The following GXYLT2 variants were observed in gnomAD, a reference collection of about 807,000 sequenced individuals.
GXYLT2 encodes glycosyltransferase 8 domain containing 4.
In GXYLT2, 53 loss-of-function variants were observed where a neutral mutation model predicts 45.8. The ratio of observed to expected loss-of-function variants is 1.16; its 90% confidence interval spans 0.93 to 1.46. GXYLT2 has a LOEUF of 1.46. Among genes scored for constraint, GXYLT2 ranks in the 40% most tolerant of loss-of-function variants. The pLI, the probability that GXYLT2 is intolerant of heterozygous loss-of-function variation, is 0.00. For missense variants in GXYLT2, 551 were observed against 544.4 expected (o/e 1.01, Z -0.12); for synonymous variants, 219 against 214.2 (o/e 1.02, Z -0.19).
rs372060429 is a variant in GXYLT2 at position 72,931,087 on chromosome 3, A to G, written c.600+8752A>G. Reference sequence around the variant, plus strand: ...ATGTTGTACCATAAAAGAAGCTGTAAAAAGCATAAAAGGATTGAAGTTATA... The same window carrying G: ...ATGTTGTACCATAAAAGAAGCTGTAGAAAGCATAAAAGGATTGAAGTTATA... On this transcript the variant is annotated intron_variant, in intron 3 of 6. Coordinates refer to ENST00000389617, the MANE Select transcript of GXYLT2 (RefSeq NM_001080393.2). Among the ~76,000 whole-genome samples, 190 of 152,350 alleles carry G rather than the reference A, an allele frequency of 1.2e-3. 7 individuals carry two copies. In the South Asian group the frequency reaches 0.038, roughly 31 times the overall value.
chr3:72,937,801 T>C (rs1710220158), intron 3 of GXYLT2, among the ~76,000 whole-genome samples: 1 of 152,236 alleles, frequency 6.6e-6, no homozygotes, highest in South Asian at 2.1e-4. Context: ...AACATATGTC[T>C]TTGCTCAGAC....
intron 4 of GXYLT2, among the ~76,000 whole-genome samples, chr3:72,956,953 A>AGGAAG (rs1710662317): frequency 1.3e-5 from 2 of 149,036 alleles, no homozygotes. Flanking sequence ...AAGAGAAGAA[A>AGGAAG]GGAAGGGGTT....
chr3:72,951,096 CA>C (rs1710514948), intron 3 of GXYLT2, among the ~76,000 whole-genome samples: 1 of 152,170 alleles, frequency 6.6e-6, no homozygotes, highest in South Asian at 2.1e-4. Flanking sequence ...TCCCACATCC[CA>C]TTATAACATG....
intron 5 of GXYLT2, among the ~76,000 whole-genome samples, chr3:72,962,621 T>G (rs569578226): frequency 6.6e-6 from 1 of 152,334 alleles, no homozygotes; most frequent in African/African-American, 2.4e-5. Flanking sequence ...GAGCACTATG[T>G]GCCAGCCACA....
intron 5 of GXYLT2, among the ~76,000 whole-genome samples, chr3:72,957,901 G>A (rs1710680939): frequency 6.6e-6 from 1 of 152,112 alleles, no homozygotes; most frequent in African/African-American, 2.4e-5. Context: ...AACATTTCTG[G>A]TCTGTGTGTT....
intron 2 of GXYLT2, among the ~76,000 whole-genome samples, chr3:72,909,172 G>A (rs759750620): frequency 2.8e-5 from 4 of 145,012 alleles, no homozygotes; most frequent in Non-Finnish European, 6.0e-5. Flanking sequence ...GGGTTCAAGC[G>A]ATTCTTCTGC....
intron 3 of GXYLT2, among the ~76,000 whole-genome samples, chr3:72,924,544 T>G (rs1012665319): frequency 1.3e-5 from 2 of 152,086 alleles, no homozygotes; most frequent in Admixed American, 6.6e-5. Context: ...ACTGGATGAT[T>G]TTTTGCAGCA....
At chr3:72,930,516 AG>A in intron 3 of GXYLT2, among the ~76,000 whole-genome samples, 1 of 147,338 alleles carries the variant, frequency 6.8e-6, no homozygotes, top group Non-Finnish European at 1.5e-5. Context: ...AAAAAAAAAA[AG>A]ATATAAATAA....
At chr3:72,899,193 C>T (rs1436529736) in intron 1 of GXYLT2, among the ~76,000 whole-genome samples, 5 of 152,202 alleles carry the variant, frequency 3.3e-5, no homozygotes, top group Non-Finnish European at 7.3e-5. Context: ...AAAGCAAACA[C>T]ACACACGTAT....
At position 72,976,657 on chromosome 3, in the gene GXYLT2, T is replaced by C. The variant is rs550963286; in HGVS notation, c.*1498T>C. ...CTTAATCCCTAGTTGCTCATATAGT[T>C]GGTATCAGCATAGCAATATTTTGCA... On this transcript the variant is annotated 3_prime_UTR_variant, in exon 7 of 7. Transcript: ENST00000389617. The C allele has an allele frequency of 2.7e-4, 41 of 152,362 alleles. No individual in the cohort carries two copies. Among genetic ancestry groups the C allele is most frequent in the African/African-American group, 9.6e-4 (40 of 41,596 alleles). The allele number at this position is 152,362 out of a possible 1,614,324, so 9.4% of individuals were successfully genotyped here.
chr3:72,954,539 G>A (rs962932304), intron 3 of GXYLT2, among the ~76,000 whole-genome samples: 2 of 150,922 alleles, frequency 1.3e-5, no homozygotes, highest in African/African-American at 4.9e-5. Flanking sequence ...CCCAAGGCTT[G>A]GTATGAGCTG....
intron 2 of GXYLT2, among the ~76,000 whole-genome samples, chr3:72,916,002 T>G (rs925612019): frequency 2.0e-5 from 3 of 152,000 alleles, no homozygotes; most frequent in Admixed American, 2.0e-4. Context: ...AGATGCATGG[T>G]CCATGATCCT....
chr3:72,945,392 A>G (rs1227554384), intron 3 of GXYLT2, among the ~76,000 whole-genome samples: 1 of 152,244 alleles, frequency 6.6e-6, no homozygotes, highest in Non-Finnish European at 1.5e-5. Flanking sequence ...CCTAGCATAT[A>G]TTATGTCAGG....
intron 1 of GXYLT2, among the ~76,000 whole-genome samples, chr3:72,896,943 C>A (rs1709303505): frequency 6.6e-6 from 1 of 151,924 alleles, no homozygotes; most frequent in Non-Finnish European, 1.5e-5. Flanking sequence ...TTTTGCTGCC[C>A]TGCCTAGCCT....
chr3:72,911,432 A>G (rs1709620063), intron 2 of GXYLT2, among the ~76,000 whole-genome samples: 2 of 152,152 alleles, frequency 1.3e-5, no homozygotes, highest in Non-Finnish European at 2.9e-5. Flanking sequence ...ACATTGTCCC[A>G]GGGTCCTCTG....
chr3:72,947,016 C>A (rs1374363726), intron 3 of GXYLT2, among the ~76,000 whole-genome samples: 1 of 151,676 alleles, frequency 6.6e-6, no homozygotes, highest in Non-Finnish European at 1.5e-5. Flanking sequence ...GCTATTATTA[C>A]TATTATTAAT....
intron 3 of GXYLT2, among the ~76,000 whole-genome samples, chr3:72,949,917 G>A (rs1311748023): frequency 1.3e-5 from 2 of 152,028 alleles, no homozygotes; most frequent in Non-Finnish European, 2.9e-5. Flanking sequence ...AGATCACATA[G>A]CATTTATTGA....
intron 5 of GXYLT2, among the ~76,000 whole-genome samples, chr3:72,959,294 A>G (rs1276677377): frequency 1.3e-5 from 2 of 148,548 alleles, no homozygotes; most frequent in Non-Finnish European, 3.0e-5. Context: ...ATTTTTGTAT[A>G]TTTAGTAGAG....
At chr3:72,907,021 AG>A (rs1448168972) in intron 1 of GXYLT2, among the ~76,000 whole-genome samples, 1 of 152,214 alleles carries the variant, frequency 6.6e-6, no homozygotes, top group Non-Finnish European at 1.5e-5. Flanking sequence ...GTTAAAGATA[AG>A]ATTGGAGACA....
Sources: allele counts gnomAD v4.1 joint callset (sites outside exome capture counted in the v4.1 genomes callset), GRCh38; gene constraint gnomAD v4.1.1; transcripts MANE v1.5; gene names NCBI Gene and HGNC (gene_info 2026-07-23, HGNC 2026-07-21).